LRIG3: variants seen among roughly 807,000 people sequenced by gnomAD.
The protein encoded by LRIG3 is leucine rich repeats and immunoglobulin like domains 3.
Under a neutral mutation model 114.5 loss-of-function variants are expected in LRIG3, and 76 were observed. The observed-to-expected ratio is 0.66, with a 90% confidence interval of 0.55 to 0.80. The LOEUF (loss-of-function observed/expected upper bound fraction) is 0.80, where lower values mean the gene tolerates loss of function less well. LRIG3 is among the 30% of genes least tolerant of loss of function. LRIG3 has a pLI of 0.00. For synonymous variants in LRIG3, 512 were observed against 519.8 expected (o/e 0.98, Z 0.20); for missense variants, 1,239 against 1,382.8 (o/e 0.90, Z 1.65).
chr12:58,911,693 A>C (rs12301978), intron 3 of LRIG3, among the ~76,000 whole-genome samples: 17,010 of 152,184 alleles, frequency 0.11, 1,782 homozygotes, highest in African/African-American at 0.27. Flanking sequence ...AAAAGCATTT[A>C]AGAACTCATT....
chr12:58,919,400 C>A, intron 1 of LRIG3: 1 of 1,551,490 alleles, frequency 6.4e-7, no homozygotes, highest in African/African-American at 1.4e-5. Context: ...CCAGTCTTTA[C>A]AATCTGGTTG....
intron 3 of LRIG3, among the ~76,000 whole-genome samples, chr12:58,905,425 ATAT>A (rs1872025713): frequency 6.6e-6 from 1 of 152,228 alleles, no homozygotes; most frequent in Non-Finnish European, 1.5e-5. Context: ...ACAACTTATC[ATAT>A]TAAGACGTTT....
chr12:58,915,987 T>A (rs1311384064), intron 1 of LRIG3, among the ~76,000 whole-genome samples: 1 of 152,164 alleles, frequency 6.6e-6, no homozygotes, highest in Non-Finnish European at 1.5e-5. Context: ...TAAAACTGCA[T>A]CCCCTATTGT....
intron 6 of LRIG3, 133 bp downstream of exon 6, chr12:58,888,686 T>G: frequency 2.2e-6 from 3 of 1,357,170 alleles, no homozygotes; most frequent in Non-Finnish European, 3.0e-6. Flanking sequence ...GAATCAAAAC[T>G]GAATACTGAC....
chr12:58,879,896 G>T (rs1871061342), intron 13 of LRIG3, among the ~76,000 whole-genome samples: 1 of 152,218 alleles, frequency 6.6e-6, no homozygotes, highest in Non-Finnish European at 1.5e-5. Context: ...AATCACGCAG[G>T]AGTGGCAGGA....
intron 3 of LRIG3, among the ~76,000 whole-genome samples, chr12:58,897,638 CCACA>C (rs1161479596): frequency 1.3e-5 from 2 of 152,098 alleles, no homozygotes; most frequent in African/African-American, 2.4e-5. Context: ...CCCATTCACA[CCACA>C]TACAAAACAG....
In LRIG3 at chr12:58,880,754, T is replaced by G; in HGVS notation, c.1628A>C (p.Asp543Ala). ...AWKKDNELLH[D>A]AEMENYAHLR... ...GTGTGCATAATTTTCCATTTCAGCA[T>G]CATGCAGTAGTTCATTGTCTTTTTT... The change falls in exon 13 of 19, where the codon GAT (aspartate) becomes GCT (alanine). Residue 543 changes from aspartate (D) to alanine (A), a missense_variant. Asp to Ala is a moderately radical substitution (Grantham distance 126). Coordinates refer to ENST00000320743, the MANE Select transcript of LRIG3 (RefSeq NM_153377.5). The G allele has an allele frequency of 6.2e-7, 1 of 1,614,222 alleles. No homozygotes were observed. The highest frequency in any genetic ancestry group is 8.5e-7 in the Non-Finnish European group (1 of 1,180,042).
intron 3 of LRIG3, among the ~76,000 whole-genome samples, chr12:58,911,354 C>A (rs569173497): frequency 3.9e-4 from 60 of 152,134 alleles, no homozygotes; most frequent in Admixed American, 2.3e-3. Context: ...CTGCATGCAG[C>A]CCCTCCAGCT....
chr12:58,912,550 A>G (rs912117366), intron 3 of LRIG3, among the ~76,000 whole-genome samples: 1 of 152,162 alleles, frequency 6.6e-6, no homozygotes, highest in Non-Finnish European at 1.5e-5. Flanking sequence ...ACTTCCTCAC[A>G]AGTTCTTAAT....
rs1369901537 is a variant in LRIG3, at chr12:58,872,498, A to G, written c.*74T>C. Reference sequence around the variant, plus strand: ...AAATTCATAACTCCATTTAAAAAACATAAGATTCTCTCTCTTTTAAATAAA... The same window carrying G: ...AAATTCATAACTCCATTTAAAAAACGTAAGATTCTCTCTCTTTTAAATAAA... On this transcript the variant is annotated 3_prime_UTR_variant, in exon 19 of 19. Coordinates refer to ENST00000320743, the MANE Select transcript of LRIG3 (RefSeq NM_153377.5). 8.4e-6 allele frequency: 12 copies of G among 1,431,626 alleles called. No homozygotes were observed. The East Asian group carries it at 1.9e-4, about 22-fold the overall frequency. The allele number at this position is 1,431,626 out of a possible 1,614,324, so 88.7% of individuals were successfully genotyped here.
At chr12:58,872,957 C>A (rs913557864) in intron 18 of LRIG3, 141 bp from the exon 19 acceptor site, 56 of 1,140,496 alleles carry the variant, frequency 4.9e-5, no homozygotes, top group Non-Finnish European at 6.5e-5. Flanking sequence ...CACTCACATA[C>A]ATGTACATCT....
intron 3 of LRIG3, among the ~76,000 whole-genome samples, chr12:58,910,637 A>C (rs1474603373): frequency 6.6e-6 from 1 of 152,096 alleles, no homozygotes; most frequent in Non-Finnish European, 1.5e-5. Context: ...AACAAAAAAA[A>C]CAAGTACCCT....
At position 58,903,884 on chromosome 12, in the gene LRIG3, G is replaced by A. The variant is rs1871963047; in HGVS notation, c.383+10098C>T. ...CAAGATCAGATAGTTGTAGATATGC[G>A]GCGTTATTTCTGAGGGCTCTGTTCT... is the stretch of plus-strand genomic sequence containing the variant. On this transcript the variant is annotated intron_variant, in intron 3 of 18. Coordinates refer to ENST00000320743, the MANE Select transcript of LRIG3 (RefSeq NM_153377.5). 3.3e-5 allele frequency among the ~76,000 whole-genome samples: 5 copies of A among 151,964 alleles called. No homozygotes were observed. In the South Asian group the frequency reaches 1.0e-3, roughly 32 times the overall value.
chr12:58,904,007 C>A (rs1294126769), intron 3 of LRIG3, among the ~76,000 whole-genome samples: 1 of 152,200 alleles, frequency 6.6e-6, no homozygotes, highest in East Asian at 1.9e-4. Flanking sequence ...CATGATGCCT[C>A]CAGCTTTGTT....
intron 15 of LRIG3, among the ~76,000 whole-genome samples, chr12:58,876,919 C>A (rs1011633168): frequency 1.3e-5 from 2 of 152,148 alleles, no homozygotes; most frequent in African/African-American, 4.8e-5. Flanking sequence ...TCTAAGCTTT[C>A]GAATTATGCT....
chr12:58,883,283 C>T (rs549523906), intron 11 of LRIG3, among the ~76,000 whole-genome samples: 30 of 152,288 alleles, frequency 2.0e-4, no homozygotes, highest in Admixed American at 5.2e-4. Flanking sequence ...AAAATTACTA[C>T]TATATTGGGT....
chr12:58,911,368 A>G (rs1872269186), intron 3 of LRIG3, among the ~76,000 whole-genome samples: 1 of 152,174 alleles, frequency 6.6e-6, no homozygotes, highest in South Asian at 2.1e-4. Flanking sequence ...TCCAGCTGGG[A>G]GGGGTCTTCA....
At chr12:58,908,647 G>C (rs1872159597) in intron 3 of LRIG3, among the ~76,000 whole-genome samples, 2 of 152,108 alleles carry the variant, frequency 1.3e-5, no homozygotes, top group African/African-American at 4.8e-5. Context: ...TCTCAAGCAT[G>C]CATAGTTGAA....
chr12:58,893,679 G>A (rs1871531535), intron 3 of LRIG3, among the ~76,000 whole-genome samples: 1 of 152,178 alleles, frequency 6.6e-6, no homozygotes, highest in African/African-American at 2.4e-5. Flanking sequence ...GGGTGTGTGG[G>A]TTAAATAAAA....
Sources: allele counts gnomAD v4.1 joint callset (sites outside exome capture counted in the v4.1 genomes callset), GRCh38; gene constraint gnomAD v4.1.1; transcripts MANE v1.5; gene names NCBI Gene and HGNC (gene_info 2026-07-23, HGNC 2026-07-21).